Variants in SLC4A2 observed in about 807,000 individuals in gnomAD.
SLC4A2 encodes the protein anion exchange protein 2.
Under a neutral mutation model 115.0 loss-of-function variants are expected in SLC4A2, and 36 were observed. That is an observed-to-expected ratio of 0.31 (90% CI 0.24 to 0.41). The LOEUF (loss-of-function observed/expected upper bound fraction) is 0.41. Among genes scored for constraint, SLC4A2 ranks in the 10% least tolerant of loss-of-function variants. The pLI, the probability that SLC4A2 is intolerant of heterozygous loss-of-function variation, is 1.00. For synonymous variants in SLC4A2, 708 were observed against 708.3 expected, an observed-to-expected ratio of 1.00 and a Z score of 0.01; for missense variants, 1,252 against 1,705.6, an observed-to-expected ratio of 0.73 and a Z score of 4.68.
chr7:151,074,326 G>C (rs746959138), intron 17 of SLC4A2, 33 bp downstream of exon 17: 4 of 1,609,550 alleles, frequency 2.5e-6, no homozygotes, highest in Non-Finnish European at 3.4e-6. Flanking sequence ...AGGGGGTTAG[G>C]GGCAGGAAGG....
Position 151,074,272 on chromosome 7 carries a change from C to T in SLC4A2, c.2769C>T (p.Asn923=), listed in dbSNP as rs1381682055. ...FIAFFLRKFK[N]SRFFPGRIRR... is the part of the protein sequence containing the mutation. ...CCTTCTTCCTGCGCAAATTCAAGAA[C>T]AGCCGGTTCTTTCCTGGCCGGGTGC... The change falls in exon 17 of 23, where the codon AAC becomes AAT. Residue 923 remains asparagine (N), a synonymous_variant. Transcript: ENST00000413384. The T allele has an allele frequency of 1.9e-6, 3 of 1,610,662 alleles. No homozygotes were observed. The highest frequency in any genetic ancestry group is 1.7e-5 in the Admixed American group (1 of 60,006).
intron 8 of SLC4A2, among the ~76,000 whole-genome samples, chr7:151,068,851 A>G (rs1797325956): frequency 6.6e-6 from 1 of 151,732 alleles, no homozygotes; most frequent in Non-Finnish European, 1.5e-5. Flanking sequence ...AAAGTAAACG[A>G]AGCAGCTGCT....
intron 22 of SLC4A2, 26 bp downstream of exon 22, chr7:151,076,212 G>GTCT (rs1797632350): frequency 6.2e-7 from 1 of 1,608,790 alleles, no homozygotes; most frequent in Admixed American, 1.7e-5. Context: ...TGCCTCCCCC[G>GTCT]GTTCCTCTTG....
chr7:151,070,564 C>G lies in SLC4A2; in HGVS notation c.1557C>G (p.Val519=). 1 of 1,613,080 alleles carries G rather than the reference C, an allele frequency of 6.2e-7. No individual in the cohort carries two copies. Among genetic ancestry groups the G allele is most frequent in the East Asian group, 2.2e-5 (1 of 44,842 alleles). Residue 519 remains valine, a synonymous_variant, in exon 11 of 23, where the codon GTC becomes GTG. Transcript: ENST00000413384. ...CTGAGAATGCCGAGGCCACGGTGGT[C>G]CTTGTGGGTATGTGGGGCAGGTCAC... ...KIPENAEATV[V]LVGCVEFLSR...
At chr7:151,070,384 G>A in intron 10 of SLC4A2, 38 bp downstream of exon 10, 1 of 1,610,612 alleles carries the variant, frequency 6.2e-7, no homozygotes, top group East Asian at 2.2e-5. Context: ...CTGGCGGCAG[G>A]GCTGAGGAAG....
At chr7:151,061,856 G>A (rs1442019079) in intron 1 of SLC4A2, 69 bp from the exon 2 acceptor site, 13 of 763,500 alleles carry the variant, frequency 1.7e-5, no homozygotes, top group Middle Eastern at 2.3e-4. Context: ...CCCCAGCAGC[G>A]CAGCCTGCGC....
rs777498318 is a variant in SLC4A2, at chr7:151,067,089, CTGT to C, written c.966+101_966+103del. ...GTAATCTCAAGCCTCAGGGTTGCCA[CTGT>C]TGTTTTGTTGTTGTTTGAGACAGTC... On this transcript the variant is annotated intron_variant, in intron 7 of 22. Coordinates refer to ENST00000413384, the MANE Select transcript of SLC4A2 (RefSeq NM_003040.4). 608 of 1,321,200 alleles carry C rather than the reference CTGT, an allele frequency of 4.6e-4. 1 individual carries two copies. The highest frequency in any genetic ancestry group is 5.6e-4 in the Non-Finnish European group (540 of 959,154). The allele number at this position is 1,321,200 out of a possible 1,614,324, so 81.8% of individuals were successfully genotyped here. A position where few individuals can be genotyped will look rare whatever the true frequency, so the allele number is the denominator to read the frequency against.
rs1797338028 is a variant in SLC4A2 at position 151,069,140 on chromosome 7, C to CAAGAAAAAAAAAAAAAAAAA, written c.1148-805_1148-804insGAAAAAAAAAAAAAAAAAAA. 4.9e-5 allele frequency among the ~76,000 whole-genome samples: 2 copies of CAAGAAAAAAAAAAAAAAAAA among 40,950 alleles called. 1 individual carries two copies. Among genetic ancestry groups the CAAGAAAAAAAAAAAAAAAAA allele is most frequent in the Non-Finnish European group, 8.4e-5 (2 of 23,872 alleles). The allele number at this position is 40,950 out of a possible 152,430, so 26.9% of individuals were successfully genotyped here. A position where few individuals can be genotyped will look rare whatever the true frequency, so the allele number is the denominator to read the frequency against. On this transcript the variant is annotated intron_variant, in intron 8 of 22. Coordinates refer to ENST00000413384, the MANE Select transcript of SLC4A2 (RefSeq NM_003040.4). ...AACGACAGAGCGAGACTCTTATCACCAAAAAAAAAAAAAAAAAAAGCAGCT... is the reference window on the plus strand; with the variant it reads ...AACGACAGAGCGAGACTCTTATCACCAAGAAAAAAAAAAAAAAAAAAAAAAAAAAAAAAAAAAAAGCAGCT...
At chr7:151,070,688 G>C (rs1797405461) in intron 11 of SLC4A2, 39 bp from the exon 12 acceptor site, 1 of 1,608,816 alleles carries the variant, frequency 6.2e-7, no homozygotes, top group Non-Finnish European at 8.5e-7. Flanking sequence ...AGGCGGTCCT[G>C]CTGCTCTGCT....
At chr7:151,064,987 A>C in intron 5 of SLC4A2, 21 bp downstream of exon 5, 1 of 1,470,068 alleles carries the variant, frequency 6.8e-7, no homozygotes, top group South Asian at 1.1e-5. Flanking sequence ...CCCAATCAAC[A>C]GTGTCCCCAA....
chr7:151,069,143 A>AAAAAAAAAAAAAAAAAAAAAAAAT (rs1470131757), intron 8 of SLC4A2, among the ~76,000 whole-genome samples: 1 of 131,988 alleles, frequency 7.6e-6, no homozygotes, highest in Non-Finnish European at 1.7e-5. Context: ...TTATCACCAA[A>AAAAAAAAAAAAAAAAAAAAAAAAT]AAAAAAAAAA....
Position 151,059,720 on chromosome 7 carries a change from A to AGAGACCCC in SLC4A2, c.-97_-90dup, listed in dbSNP as rs1323326804. The AGAGACCCC allele has an allele frequency of 6.7e-6, 1 of 150,096 alleles. No individual in the cohort carries two copies. Among genetic ancestry groups the AGAGACCCC allele is most frequent in the African/African-American group, 2.5e-5 (1 of 40,604 alleles). 9.3% of individuals were successfully genotyped at this position (150,096 alleles called of 1,614,324 possible). On this transcript the variant is annotated 5_prime_UTR_variant, in exon 1 of 23. Transcript: ENST00000413384. The surrounding 1 kb of genome is among the most constrained non-coding windows in gnomAD (Gnocchi z 5.8). ...CGCGCGAGTGCGCCGGAGGACGGGG[A>AGAGACCCC]GAGACCCCGAGACCCCCGGGGCACG...
At position 151,064,682 on chromosome 7, in the gene SLC4A2, A is replaced by T. The variant is rs760651726; in HGVS notation, c.374A>T (p.Glu125Val). The T allele has an allele frequency of 6.2e-7, 1 of 1,613,692 alleles. No individual in the cohort carries two copies. Among genetic ancestry groups the T allele is most frequent in the Non-Finnish European group, 8.5e-7 (1 of 1,179,792 alleles). Reference sequence around the variant, plus strand: ...GAAACCCCGACCATTGAGGAGGGGGAGGAAGATGAGGATGAGGCCAGCGAG... The same window carrying T: ...GAAACCCCGACCATTGAGGAGGGGGTGGAAGATGAGGATGAGGCCAGCGAG... ...TGETPTIEEG[E>V]EDEDEASEAE... The change falls in exon 4 of 23, where the codon GAG becomes GTG. Residue 125 changes from glutamate (E) to valine (V), a missense_variant. Glu to Val is a moderately radical substitution (Grantham distance 121). This residue lies in a region of SLC4A2 where 215 missense variants were observed against 205.2 expected (regional missense o/e 1.05). Coordinates refer to ENST00000413384, the MANE Select transcript of SLC4A2 (RefSeq NM_003040.4).
Position 151,074,379 on chromosome 7 carries a change from C to T in SLC4A2, c.2791-20C>T, listed in dbSNP as rs1421879030. 25 of 1,612,412 alleles carry T rather than the reference C, an allele frequency of 1.6e-5. No homozygotes were observed. The highest frequency in any genetic ancestry group is 6.7e-5 in the African/African-American group (5 of 74,914). ...GCGGCTGTGGTGGCAGGACTCTGAG[C>T]GCTGTGCCTGCCCACTCAGATCCGG... On this transcript the variant is annotated intron_variant, in intron 17 of 22. Coordinates refer to ENST00000413384, the MANE Select transcript of SLC4A2 (RefSeq NM_003040.4).
intron 8 of SLC4A2, among the ~76,000 whole-genome samples, chr7:151,069,495 C>T (rs998222069): frequency 1.1e-4 from 16 of 152,268 alleles, no homozygotes; most frequent in South Asian, 2.1e-4. Flanking sequence ...GGTGGCCACA[C>T]GGACGAGGCT....
Position 151,070,757 on chromosome 7 carries a change from T to C in SLC4A2, c.1595T>C (p.Met532Thr). The C allele has an allele frequency of 6.2e-7, 1 of 1,613,890 alleles. No individual in the cohort carries two copies. Among genetic ancestry groups the C allele is most frequent in the Non-Finnish European group, 8.5e-7 (1 of 1,179,980 alleles). Residue 532 changes from methionine (M) to threonine (T), a missense_variant, in exon 12 of 23, where the codon ATG becomes ACG. By Grantham distance (81) the Met-to-Thr change is moderately conservative (BLOSUM62 -1). Transcript: ENST00000413384. ...GCVEFLSRPT[M>T]AFVRLREAVE... ...GTGGAGTTCCTCTCCCGCCCCACCATGGCCTTTGTGCGGCTCCGGGAGGCT... is the reference window on the plus strand; with the variant it reads ...GTGGAGTTCCTCTCCCGCCCCACCACGGCCTTTGTGCGGCTCCGGGAGGCT...
In SLC4A2 at chr7:151,070,161, A is replaced by C. The variant is rs756144014; in HGVS notation, c.1284-20A>C. The C allele has an allele frequency of 1.9e-6, 3 of 1,613,988 alleles. No homozygotes were observed. In the East Asian group the frequency reaches 6.7e-5, roughly 36 times the overall value. ...CTTGTCATTGACCCTCCTTTGCCTC[A>C]CTGCCCTCTGCCCCACCAGCCACCC... On this transcript the variant is annotated intron_variant, in intron 9 of 22. Coordinates refer to ENST00000413384, the MANE Select transcript of SLC4A2 (RefSeq NM_003040.4).
At position 151,074,806 on chromosome 7, in the gene SLC4A2, C is replaced by T. The variant is rs141456147; in HGVS notation, c.3012C>T (p.Val1004=). 4.4e-4 allele frequency: 703 copies of T among 1,612,958 alleles called. No homozygotes were observed. In the African/African-American group the frequency reaches 7.9e-3, roughly 18 times the overall value. The change falls in exon 19 of 23, where the codon GTC becomes GTT. Residue 1004 remains valine, a synonymous_variant. Coordinates refer to ENST00000413384, the MANE Select transcript of SLC4A2 (RefSeq NM_003040.4). ...CCAGCCTGCTGCCCGCCATCCTGGT[C>T]TTCATTCTCATCTTCATGGAGACAC... ...MVASLLPAIL[V]FILIFMETQI...
In SLC4A2 at chr7:151,074,466, G is replaced by T; in HGVS notation, c.2858G>T (p.Ser953Ile). The change falls in exon 18 of 23, where the codon AGT becomes ATT. Residue 953 changes from serine (S) to isoleucine (I), a missense_variant. Transcript: ENST00000413384. ...AILIMVLVDY[S>I]IEDTYTQKLS... ...CTCATCATGGTGCTTGTGGATTACAGTATTGAGGACACCTATACCCAGGTA... is the reference window on the plus strand; with the variant it reads ...CTCATCATGGTGCTTGTGGATTACATTATTGAGGACACCTATACCCAGGTA... 1 of 1,614,072 alleles carries T rather than the reference G, an allele frequency of 6.2e-7. No individual in the cohort carries two copies. Among genetic ancestry groups the T allele is most frequent in the Non-Finnish European group, 8.5e-7 (1 of 1,180,034 alleles).
Sources: gnomAD v4.1 joint callset for allele counts (sites outside exome capture counted in the v4.1 genomes callset) on GRCh38, gnomAD v4.1.1 for gene constraint, gnomAD v4.1.1 regional missense constraint, Gnocchi (gnomAD v3.1) non-coding constraint, MANE v1.5 for transcripts, NCBI Gene and HGNC (gene_info 2026-07-23, HGNC 2026-07-21) for gene names.